The following ZNF804B variants were observed in gnomAD, a reference collection of about 807,000 sequenced individuals.
The protein encoded by ZNF804B is zinc finger protein 804B.
Under a neutral mutation model 101.4 loss-of-function variants are expected in ZNF804B, and 80 were observed. The ratio of observed to expected loss-of-function variants is 0.79; its 90% CI spans 0.66 to 0.95. The LOEUF is 0.95. Ranked by LOEUF, ZNF804B falls within the 40% of genes least tolerant of loss-of-function variation. The pLI, the probability that ZNF804B is intolerant of heterozygous loss-of-function variation, is 0.00. For synonymous variants in ZNF804B, 622 were observed against 558.8 expected (o/e 1.11, Z -1.59); for missense variants, 1,673 against 1,561.9 (o/e 1.07, Z -1.20).
At chr7:89,196,416 G>A (rs1300098597) in intron 1 of ZNF804B, among the ~76,000 whole-genome samples, 1 of 152,114 alleles carries the variant, frequency 6.6e-6, no homozygotes, top group African/African-American at 2.4e-5. Context: ...GGGAAAGCTG[G>A]CTAGCCATAT....
rs1265510843 is a variant in ZNF804B at position 89,337,681 on chromosome 7, G to T, written c.*649G>T. 6.6e-6 allele frequency among the ~76,000 whole-genome samples: 1 copy of T among 152,012 alleles called. No homozygotes were observed. The highest frequency in any genetic ancestry group is 1.5e-5 in the Non-Finnish European group (1 of 67,948). On this transcript the variant is annotated 3_prime_UTR_variant, in exon 4 of 4. Coordinates refer to ENST00000333190, the MANE Select transcript of ZNF804B (RefSeq NM_181646.5). ...TTCATTTCACACAAATCTATGTCAA[G>T]ATAATTTTGTAATTGTAAGAATCAG...
intron 2 of ZNF804B, among the ~76,000 whole-genome samples, chr7:89,316,573 C>G (rs1411216785): frequency 6.6e-6 from 1 of 152,142 alleles, no homozygotes; most frequent in Non-Finnish European, 1.5e-5. Context: ...GAGTCTTCCA[C>G]TTAGGTTATG....
intron 1 of ZNF804B, among the ~76,000 whole-genome samples, chr7:88,840,590 TAACTC>T (rs34027855): frequency 0.17 from 26,276 of 151,978 alleles, 2,321 homozygotes; most frequent in African/African-American, 0.24. Flanking sequence ...TCAAAATACT[TAACTC>T]AACTTCATTT....
At chr7:89,082,095 A>G (rs932684165) in intron 1 of ZNF804B, among the ~76,000 whole-genome samples, 2 of 151,782 alleles carry the variant, frequency 1.3e-5, no homozygotes, top group Non-Finnish European at 3.0e-5. Flanking sequence ...TACAACACTT[A>G]TCTACCAAAA....
chr7:88,924,407 A>G (rs1049585429), intron 1 of ZNF804B, among the ~76,000 whole-genome samples: 3 of 152,084 alleles, frequency 2.0e-5, no homozygotes, highest in African/African-American at 4.8e-5. Flanking sequence ...ACTTTAGTTT[A>G]TACTTTTCTT....
At chr7:89,125,049 T>C (rs866258778) in intron 1 of ZNF804B, among the ~76,000 whole-genome samples, 7 of 151,558 alleles carry the variant, frequency 4.6e-5, no homozygotes, top group African/African-American at 1.5e-4. Flanking sequence ...TTTTTTTTAG[T>C]TTTATCAAGC....
chr7:89,204,247 G>A (rs997933428), intron 1 of ZNF804B, among the ~76,000 whole-genome samples: 2 of 152,128 alleles, frequency 1.3e-5, no homozygotes, highest in Non-Finnish European at 1.5e-5. Context: ...ATGGCTAAAC[G>A]AAAGTACTTC....
chr7:88,983,306 G>A (rs574091004), intron 1 of ZNF804B, among the ~76,000 whole-genome samples: 1 of 152,042 alleles, frequency 6.6e-6, no homozygotes, highest in Non-Finnish European at 1.5e-5. Context: ...TAGACTAGTG[G>A]TTCCTAAATT....
intron 1 of ZNF804B, among the ~76,000 whole-genome samples, chr7:88,867,736 G>A (rs1156394468): frequency 6.6e-6 from 1 of 152,032 alleles, no homozygotes; most frequent in African/African-American, 2.4e-5. Flanking sequence ...CAATAAAAAA[G>A]CACATTTTAT....
At chr7:89,168,863 T>C (rs1381863229) in intron 1 of ZNF804B, among the ~76,000 whole-genome samples, 1 of 152,118 alleles carries the variant, frequency 6.6e-6, no homozygotes, top group East Asian at 1.9e-4. Flanking sequence ...GGCCAGTCTT[T>C]GTTCTTGGAG....
At chr7:88,945,574 C>T (rs1204594692) in intron 1 of ZNF804B, among the ~76,000 whole-genome samples, 2 of 138,566 alleles carry the variant, frequency 1.4e-5, no homozygotes. Context: ...GCTATATGGG[C>T]TCTGTTTTGG....
intron 2 of ZNF804B, among the ~76,000 whole-genome samples, chr7:89,245,150 C>A (rs1019973887): frequency 6.6e-6 from 1 of 151,874 alleles, no homozygotes; most frequent in Admixed American, 6.6e-5. Context: ...AATATTACAA[C>A]CAAAATTACA....
At chr7:88,906,151 TC>T (rs1350329768) in intron 1 of ZNF804B, among the ~76,000 whole-genome samples, 2 of 152,056 alleles carry the variant, frequency 1.3e-5, no homozygotes, top group African/African-American at 4.8e-5. Flanking sequence ...CTTATTTGGA[TC>T]TTTTTTTTCT....
chr7:88,823,454 A>G (rs1791012422), intron 1 of ZNF804B, among the ~76,000 whole-genome samples: 1 of 152,158 alleles, frequency 6.6e-6, no homozygotes, highest in African/African-American at 2.4e-5. Flanking sequence ...TTGACAAATT[A>G]TCTCCTGACT....
intron 1 of ZNF804B, among the ~76,000 whole-genome samples, chr7:89,073,295 G>C (rs933013363): frequency 2.0e-5 from 3 of 152,172 alleles, no homozygotes; most frequent in Admixed American, 1.3e-4. Context: ...TGTATTTTGG[G>C]GAGGTAGGAA....
At chr7:88,983,835 A>T (rs899356943) in intron 1 of ZNF804B, among the ~76,000 whole-genome samples, 1 of 151,962 alleles carries the variant, frequency 6.6e-6, no homozygotes, top group African/African-American at 2.4e-5. Flanking sequence ...GGGTCCCTGA[A>T]GTGTGTCTAA....
chr7:89,306,830 T>C (rs1007090117), intron 2 of ZNF804B, among the ~76,000 whole-genome samples: 3 of 152,016 alleles, frequency 2.0e-5, no homozygotes, highest in Admixed American at 6.6e-5. Context: ...ATTTAGGAAT[T>C]ATACAGACAT....
At chr7:88,778,366 C>G (rs1046997554) in intron 1 of ZNF804B, among the ~76,000 whole-genome samples, 1 of 152,164 alleles carries the variant, frequency 6.6e-6, no homozygotes, top group African/African-American at 2.4e-5. Context: ...ATGTCAAGGT[C>G]TTTAGTTTTA....
At chr7:89,073,179 C>A (rs1562876941) in intron 1 of ZNF804B, among the ~76,000 whole-genome samples, 1 of 152,060 alleles carries the variant, frequency 6.6e-6, no homozygotes, top group Non-Finnish European at 1.5e-5. Context: ...GCATAGGCAC[C>A]CCAAGAACCC....
Sources: gnomAD v4.1 joint callset for allele counts (sites outside exome capture counted in the v4.1 genomes callset) on GRCh38, gnomAD v4.1.1 for gene constraint, MANE v1.5 for transcripts, NCBI Gene and HGNC (gene_info 2026-07-23, HGNC 2026-07-21) for gene names.